PKHD1: variants seen among roughly 807,000 people sequenced by gnomAD.
PKHD1 encodes PKHD1 ciliary IPT domain containing fibrocystin/polyductin, also known as fibrocystin.
Under a neutral mutation model 412.0 loss-of-function variants are expected in PKHD1, and 291 were observed. The observed-to-expected ratio is 0.71, with a 90% CI of 0.64 to 0.78. PKHD1 has a LOEUF of 0.78. Among genes scored for constraint, PKHD1 ranks in the 30% least tolerant of loss-of-function variants. The pLI is 0.00. For synonymous variants in PKHD1, 1,777 were observed against 1,821.5 expected (o/e 0.98, Z 0.62); for missense variants, 4,825 against 4,950.7 (o/e 0.97, Z 0.76).
At chr6:51,941,062 C>G (rs558354820) in intron 36 of PKHD1, among the ~76,000 whole-genome samples, 8 of 150,874 alleles carry the variant, frequency 5.3e-5, no homozygotes, top group Admixed American at 2.0e-4. Flanking sequence ...TATCCCCCCC[C>G]ACCTTAACCC....
chr6:51,919,736 C>A (rs529967554), intron 37 of PKHD1, among the ~76,000 whole-genome samples: 131 of 152,276 alleles, frequency 8.6e-4, no homozygotes, highest in Non-Finnish European at 1.5e-3. Flanking sequence ...GCCATTTTCA[C>A]GATATTGATT....
At chr6:51,707,927 T>C (rs551970810) in intron 60 of PKHD1, among the ~76,000 whole-genome samples, 1 of 152,282 alleles carries the variant, frequency 6.6e-6, no homozygotes, top group African/African-American at 2.4e-5. Context: ...ATCGTCCTTG[T>C]CTAGTCATTC....
chr6:51,636,703 G>T (rs752099287), intron 64 of PKHD1, among the ~76,000 whole-genome samples: 2 of 152,066 alleles, frequency 1.3e-5, no homozygotes, highest in South Asian at 4.1e-4. Flanking sequence ...GTGAATATAC[G>T]CTGCTTTCCC....
At chr6:51,658,290 A>G (rs1057376591) in intron 61 of PKHD1, among the ~76,000 whole-genome samples, 4 of 152,136 alleles carry the variant, frequency 2.6e-5, no homozygotes, top group East Asian at 1.9e-4. Flanking sequence ...TTATATATCA[A>G]TGTATAACAG....
At chr6:51,807,481 G>A (rs113092934) in intron 52 of PKHD1, among the ~76,000 whole-genome samples, 4,414 of 55,388 alleles carry the variant, frequency 0.08, 194 homozygotes, top group Middle Eastern at 0.16. Flanking sequence ...ATATATATAT[G>A]TATATGTGTG....
intron 60 of PKHD1, among the ~76,000 whole-genome samples, chr6:51,675,662 C>A (rs2150529961): frequency 6.6e-6 from 1 of 152,268 alleles, no homozygotes. Flanking sequence ...CTGGCCACAG[C>A]TGACTTTCAT....
chr6:51,747,890 A>G lies in PKHD1; in HGVS notation c.9726T>C (p.Gly3242=). ...APSNPRGGRI[G]ILWPVFTSEP... Reference sequence around the variant, plus strand: ...CTGAGGTGAATACAGGCCACAGAATACCAATTCGACCTCCTCTTGGATTGG... The same window carrying G: ...CTGAGGTGAATACAGGCCACAGAATGCCAATTCGACCTCCTCTTGGATTGG... Residue 3242 remains glycine (G), a synonymous_variant, in exon 58 of 67, where the codon GGT becomes GGC. Coordinates refer to ENST00000371117, the MANE Select transcript of PKHD1 (RefSeq NM_138694.4). 3 of 1,613,964 alleles carry G rather than the reference A, an allele frequency of 1.9e-6. No homozygotes were observed. Among genetic ancestry groups the G allele is most frequent in the Non-Finnish European group, 2.5e-6 (3 of 1,179,900 alleles).
intron 5 of PKHD1, 135 bp downstream of exon 5, chr6:52,079,765 C>T (rs1811787265): frequency 1.3e-6 from 1 of 755,388 alleles, no homozygotes; most frequent in Non-Finnish European, 2.5e-6. Flanking sequence ...ATATAAGAAA[C>T]TCTGTCATTA....
chr6:51,622,001 A>T (rs1766684037), intron 66 of PKHD1: 1 of 152,202 alleles, frequency 6.6e-6, no homozygotes, highest in Non-Finnish European at 1.5e-5. Context: ...ATTAAAATGA[A>T]AAGATGGGAT....
intron 55 of PKHD1, among the ~76,000 whole-genome samples, chr6:51,755,524 C>T (rs1169247052): frequency 6.6e-6 from 1 of 152,138 alleles, no homozygotes; most frequent in Non-Finnish European, 1.5e-5. Flanking sequence ...TCTGTCTTCT[C>T]TTTCATCACA....
At chr6:51,658,864 A>C (rs1772325703) in intron 61 of PKHD1, 88 bp downstream of exon 61, 7 of 841,336 alleles carry the variant, frequency 8.3e-6, no homozygotes, top group Non-Finnish European at 1.0e-5. Flanking sequence ...TATATGATTC[A>C]GTGTAAGTAG....
chr6:51,672,896 G>C (rs1049649643), intron 60 of PKHD1, among the ~76,000 whole-genome samples: 1 of 152,170 alleles, frequency 6.6e-6, no homozygotes, highest in African/African-American at 2.4e-5. Context: ...TTGAAGTTCA[G>C]TGATCATGAC....
chr6:51,999,542 T>A (rs1020002854), intron 35 of PKHD1, among the ~76,000 whole-genome samples: 2 of 152,212 alleles, frequency 1.3e-5, no homozygotes, highest in Admixed American at 1.3e-4. Context: ...TAGGAGCAGT[T>A]ACTGTGGCTC....
chr6:52,077,546 A>G (rs1303240121), intron 5 of PKHD1, among the ~76,000 whole-genome samples: 1 of 152,224 alleles, frequency 6.6e-6, no homozygotes, highest in Non-Finnish European at 1.5e-5. Flanking sequence ...CTACCTTCCC[A>G]GAGAGAACAT....
intron 60 of PKHD1, among the ~76,000 whole-genome samples, chr6:51,735,737 C>A (rs777321108): frequency 2.0e-5 from 3 of 151,672 alleles, no homozygotes; most frequent in Non-Finnish European, 2.9e-5. Context: ...ACCAGCCTGG[C>A]CAATATAGTG....
intron 43 of PKHD1, among the ~76,000 whole-genome samples, chr6:51,898,178 C>G (rs577394966): frequency 6.6e-6 from 1 of 152,302 alleles, no homozygotes; most frequent in Non-Finnish European, 1.5e-5. Flanking sequence ...TAGACATCTA[C>G]AGAACTCTCC....
intron 30 of PKHD1, 53 bp from the exon 31 acceptor site, chr6:52,027,949 A>G: frequency 7.1e-7 from 1 of 1,398,830 alleles, no homozygotes; most frequent in Non-Finnish European, 1.0e-6. Context: ...GAGATAAGAA[A>G]GAGTAAGCCA....
At chr6:51,645,964 A>G (rs1770033565) in intron 63 of PKHD1, among the ~76,000 whole-genome samples, 1 of 152,168 alleles carries the variant, frequency 6.6e-6, no homozygotes, top group African/African-American at 2.4e-5. Flanking sequence ...TTTTCCATCT[A>G]CCTTAAAAAT....
Position 51,676,252 on chromosome 6 carries a change from G to GAA in PKHD1, c.10157-16285_10157-16284dup, listed in dbSNP as rs58319131. 6.4e-3 allele frequency among the ~76,000 whole-genome samples: 914 copies of GAA among 142,004 alleles called. 3 individuals carry two copies. Among genetic ancestry groups the GAA allele is most frequent in the African/African-American group, 8.8e-3 (341 of 38,572 alleles). 93.2% of individuals were successfully genotyped at this position (142,004 alleles called of 152,430 possible). A position where few individuals can be genotyped will look rare whatever the true frequency, so the allele number is the denominator to read the frequency against. On this transcript the variant is annotated intron_variant, in intron 60 of 66. Transcript: ENST00000371117. ...GAAAAAAAAAAAAATTAAAAGAAAA[G>GAA]AAAAAAAAAAACTTCTATTCTTTAT...
Sources: allele counts gnomAD v4.1 joint callset (sites outside exome capture counted in the v4.1 genomes callset), GRCh38; gene constraint gnomAD v4.1.1; transcripts MANE v1.5; gene names NCBI Gene and HGNC (gene_info 2026-07-23, HGNC 2026-07-21).